SLC12A8: variants seen among roughly 807,000 people sequenced by gnomAD.
SLC12A8 encodes cation-chloride cotransporter 9.
SLC12A8 carries 69 observed loss-of-function variants against 75.6 expected under a neutral mutation model. The observed-to-expected ratio is 0.91, with a 90% confidence interval of 0.75 to 1.11. The LOEUF (loss-of-function observed/expected upper bound fraction) is 1.11. Ranked by LOEUF, SLC12A8 falls within the 50% of genes most tolerant of loss-of-function variation. The pLI is 0.00. For synonymous variants in SLC12A8, 365 were observed against 372.8 expected (o/e 0.98, Z 0.24); for missense variants, 877 against 896.7 (o/e 0.98, Z 0.28).
intron 2 of SLC12A8, among the ~76,000 whole-genome samples, chr3:125,206,072 T>C (rs1281593578): frequency 6.6e-6 from 1 of 152,238 alleles, no homozygotes; most frequent in Admixed American, 6.5e-5. Flanking sequence ...CATCTACTAA[T>C]AAAGCAATAT....
At chr3:125,088,114 C>T in intron 13 of SLC12A8, 196 bp downstream of exon 13, 1 of 588,380 alleles carries the variant, frequency 1.7e-6, no homozygotes, top group Non-Finnish European at 3.1e-6. Flanking sequence ...GAGGAAGCTT[C>T]TGATGAGCCG....
chr3:125,133,118 G>A (rs903653939), intron 6 of SLC12A8, among the ~76,000 whole-genome samples: 4 of 152,132 alleles, frequency 2.6e-5, no homozygotes, highest in Non-Finnish European at 5.9e-5. Flanking sequence ...TGGACATGGG[G>A]AGCCATGTTG....
intron 3 of SLC12A8, among the ~76,000 whole-genome samples, chr3:125,187,687 CTGA>C (rs1934821987): frequency 6.6e-6 from 1 of 152,180 alleles, no homozygotes; most frequent in Non-Finnish European, 1.5e-5. Context: ...GTCAGAGCTG[CTGA>C]TGCCCTCACG....
At chr3:125,198,580 C>T (rs1935051853) in intron 2 of SLC12A8, among the ~76,000 whole-genome samples, 3 of 150,790 alleles carry the variant, frequency 2.0e-5, no homozygotes, top group Admixed American at 2.0e-4. Context: ...GTGCAGTGAG[C>T]CGAGATCTCA....
chr3:125,143,047 G>A (rs1363629493), intron 5 of SLC12A8, among the ~76,000 whole-genome samples: 1 of 152,252 alleles, frequency 6.6e-6, no homozygotes, highest in Non-Finnish European at 1.5e-5. Flanking sequence ...GCAGAGAGAT[G>A]AGGAAACCTT....
chr3:125,160,541 C>T (rs1934144295), intron 5 of SLC12A8, among the ~76,000 whole-genome samples: 1 of 152,230 alleles, frequency 6.6e-6, no homozygotes, highest in African/African-American at 2.4e-5. Context: ...GGGGGTCCTT[C>T]TCCTCATGGC....
At chr3:125,122,081 CAG>C (rs1486100959) in intron 6 of SLC12A8, among the ~76,000 whole-genome samples, 1 of 152,138 alleles carries the variant, frequency 6.6e-6, no homozygotes, top group Admixed American at 6.5e-5. Flanking sequence ...TACTAGGTCT[CAG>C]AATATTGTAA....
intron 10 of SLC12A8, among the ~76,000 whole-genome samples, chr3:125,097,163 C>CA (rs1369210103): frequency 6.6e-6 from 1 of 151,984 alleles, no homozygotes; most frequent in African/African-American, 2.4e-5. Context: ...GGGGCAGGTG[C>CA]ATCACAAGGT....
chr3:125,120,676 G>A lies in SLC12A8; in HGVS notation c.747C>T (p.Ala249=), dbSNP rs746188787. 6.2e-7 allele frequency: 1 copy of A among 1,613,532 alleles called. No homozygotes were observed. The highest frequency in any genetic ancestry group is 1.1e-5 in the South Asian group (1 of 90,938). ...VFFPAATGVM[A]GFNMGGDLRE... is the part of the protein sequence containing the mutation. The stretch of plus-strand genomic sequence containing the variant: ...TGAGGTCGCCCCCCATGTTGAAGCC[G>A]GCCATGACTCCTGAAAGACACCCAG... The change falls in exon 7 of 14, where the codon GCC becomes GCT. Residue 249 remains alanine, a synonymous_variant. Transcript: ENST00000469902.
intron 4 of SLC12A8, among the ~76,000 whole-genome samples, chr3:125,182,172 T>C (rs1934679195): frequency 6.6e-6 from 1 of 151,980 alleles, no homozygotes; most frequent in Non-Finnish European, 1.5e-5. Flanking sequence ...AAAAATAATT[T>C]AAAAATTAGC....
chr3:125,126,032 C>T (rs946504137), intron 6 of SLC12A8: 11 of 521,144 alleles, frequency 2.1e-5, no homozygotes, highest in Non-Finnish European at 2.7e-5. Flanking sequence ...TTGCTTTACC[C>T]AAAAACATTT....
intron 6 of SLC12A8, among the ~76,000 whole-genome samples, chr3:125,131,378 A>T (rs1378692977): frequency 1.3e-5 from 2 of 152,092 alleles, no homozygotes; most frequent in East Asian, 3.9e-4. Context: ...AGAATCAAAA[A>T]TTATTAAGAT....
intron 6 of SLC12A8, 67 bp from the exon 7 acceptor site, chr3:125,120,753 C>G (rs752109370): frequency 1.6e-6 from 2 of 1,215,622 alleles, no homozygotes; most frequent in South Asian, 2.5e-5. Flanking sequence ...CCCAGGGCTG[C>G]CCCTTCCTCT....
chr3:125,148,040 G>A (rs911890851), intron 5 of SLC12A8, among the ~76,000 whole-genome samples: 1 of 152,226 alleles, frequency 6.6e-6, no homozygotes, highest in African/African-American at 2.4e-5. Context: ...GAAACAAAGA[G>A]AGCAGGTCAG....
chr3:125,110,600 A>C, intron 8 of SLC12A8: 5 of 278,038 alleles, frequency 1.8e-5, no homozygotes, highest in Non-Finnish European at 3.4e-5. Flanking sequence ...GCTAAACACA[A>C]ACTTCTGGGC....
rs1939058347 is a variant in SLC12A8 at position 125,107,499 on chromosome 3, A to G, written c.1687T>C (p.Ser563Pro). Residue 563 changes from serine to proline, a missense_variant, in exon 10 of 14, where the codon TCA becomes CCA. Physicochemically the swap from Ser to Pro is moderately conservative, Grantham distance 74. Transcript: ENST00000469902. ...EQLVPELCNQ[S>P]ESSGEDFFLK... ...CACTCACCTTCTCCACTGGACTCTG[A>G]TTGGTTGCACAGCTCAGGAACAAGT... The G allele has an allele frequency of 1.2e-6, 2 of 1,609,146 alleles. No individual in the cohort carries two copies. The highest frequency in any genetic ancestry group is 8.5e-7 in the Non-Finnish European group (1 of 1,175,988).
chr3:125,182,253 G>A (rs2981499), intron 4 of SLC12A8, among the ~76,000 whole-genome samples: 5 of 152,002 alleles, frequency 3.3e-5, no homozygotes, highest in African/African-American at 1.2e-4. Context: ...CTGGAGCCCA[G>A]GAGTGCCAGG....
intron 5 of SLC12A8, among the ~76,000 whole-genome samples, chr3:125,145,267 T>C (rs1399884752): frequency 1.3e-5 from 2 of 152,158 alleles, no homozygotes; most frequent in African/African-American, 2.4e-5. Flanking sequence ...GCCTGTTTTT[T>C]CCACTAGACT....
chr3:125,119,253 A>C lies in SLC12A8; in HGVS notation c.825-397T>G, dbSNP rs11927069. 1.1e-3 allele frequency: 179 copies of C among 157,434 alleles called. 1 individual carries two copies. The highest frequency in any genetic ancestry group is 2.8e-3 in the Admixed American group (45 of 15,968). The allele number at this position is 157,434 out of a possible 1,614,324, so 9.8% of individuals were successfully genotyped here. On this transcript the variant is annotated intron_variant, in intron 7 of 13. Transcript: ENST00000469902. ...AGAAAAACATACAAAGGGCATTCCG[A>C]GTAGGGAAGTGGGAGGCCCAGTTGC... is the stretch of plus-strand genomic sequence containing the variant.
Sources: allele counts gnomAD v4.1 joint callset (sites outside exome capture counted in the v4.1 genomes callset), GRCh38; gene constraint gnomAD v4.1.1; transcripts MANE v1.5; gene names NCBI Gene and HGNC (gene_info 2026-07-23, HGNC 2026-07-21).